Variants in ZNFX1 observed in about 807,000 individuals in gnomAD.
ZNFX1 encodes NFX1-type zinc finger-containing protein 1.
ZNFX1 carries 78 observed loss-of-function variants against 179.8 expected under a neutral mutation model. The observed-to-expected ratio is 0.43, with a 90% CI of 0.36 to 0.52. The LOEUF (loss-of-function observed/expected upper bound fraction) is 0.52, where lower values mean the gene tolerates loss of function less well. Ranked by LOEUF, ZNFX1 falls within the 20% of genes least tolerant of loss-of-function variation. The pLI is 0.00. For missense variants in ZNFX1, 1,927 were observed against 2,386.6 expected, an observed-to-expected ratio of 0.81 and a Z score of 4.01; for synonymous variants, 848 against 868.5, an observed-to-expected ratio of 0.98 and a Z score of 0.42.
chr20:49,262,772 T>C (rs1981145390), intron 6 of ZNFX1, among the ~76,000 whole-genome samples: 1 of 152,214 alleles, frequency 6.6e-6, no homozygotes, highest in South Asian at 2.1e-4. Context: ...GCATTATTAT[T>C]ATCCATGTTT....
At position 49,248,019 on chromosome 20, in the gene ZNFX1, C is replaced by T. The variant is rs1409404388; in HGVS notation, c.5005G>A (p.Glu1669Lys). 2 of 1,614,042 alleles carry T rather than the reference C, an allele frequency of 1.2e-6. No homozygotes were observed. The highest frequency in any genetic ancestry group is 2.2e-5 in the East Asian group (1 of 44,896). ...AGCTGGTGGAGGAGGCTCTTCCTCT[C>T]CAGCAGGGCCTTAAGCCGTTCCTGG... ...TSQERLKALL[E>K]RKSLLHQLLP... is the part of the protein sequence containing the mutation. Residue 1669 changes from glutamate to lysine, a missense_variant, in exon 14 of 14, where the codon GAG (glutamate) becomes AAG (lysine). Coordinates refer to ENST00000396105, the MANE Select transcript of ZNFX1 (RefSeq NM_021035.3). This position sits in a 1 kb window ranked among gnomAD's most constrained non-coding sequence, Gnocchi z 4.6.
chr20:49,266,049 T>A, intron 4 of ZNFX1, 86 bp downstream of exon 4: 1 of 1,488,424 alleles, frequency 6.7e-7, no homozygotes. Flanking sequence ...TTGACTTTGT[T>A]TGAAGAGCAA....
intron 6 of ZNFX1, 88 bp from the exon 7 acceptor site, chr20:49,260,665 G>A (rs1186002386): frequency 1.1e-6 from 1 of 949,564 alleles, no homozygotes; most frequent in African/African-American, 1.6e-5. Context: ...AGCAGATTGG[G>A]GCATGGTAGC....
At position 49,270,366 on chromosome 20, in the gene ZNFX1, G is replaced by T. The variant is rs776842721; in HGVS notation, c.1446C>A (p.Val482=). ...REQEDLCRGI[V]QLCFNEQSQQ... Reference sequence around the variant, plus strand: ...GGCTTTGCTCATTGAAGCAGAGCTGGACAATTCCTCGGCAGAGATCTTCCT... The same window carrying T: ...GGCTTTGCTCATTGAAGCAGAGCTGTACAATTCCTCGGCAGAGATCTTCCT... The change falls in exon 3 of 14, where the codon GTC becomes GTA. Residue 482 remains valine (V), a synonymous_variant. Coordinates refer to ENST00000396105, the MANE Select transcript of ZNFX1 (RefSeq NM_021035.3). The surrounding 1 kb of genome is among the most constrained non-coding windows in gnomAD (Gnocchi z 4.6). 1 of 1,614,212 alleles carries T rather than the reference G, an allele frequency of 6.2e-7. No homozygotes were observed. The highest frequency in any genetic ancestry group is 1.6e-4 in the Middle Eastern group (1 of 6,062).
intron 2 of ZNFX1, among the ~76,000 whole-genome samples, chr20:49,274,482 G>A (rs1981501949): frequency 6.6e-6 from 1 of 152,148 alleles, no homozygotes; most frequent in Non-Finnish European, 1.5e-5. Flanking sequence ...TCAAGGCCAG[G>A]CACAGTGGCT....
chr20:49,267,838 A>G (rs535196116), intron 3 of ZNFX1, among the ~76,000 whole-genome samples: 1 of 150,480 alleles, frequency 6.6e-6, no homozygotes, highest in Non-Finnish European at 1.5e-5. Context: ...AGGTTATTTA[A>G]CCCTTCTTTG....
At chr20:49,277,870 G>C (rs942416096) in intron 1 of ZNFX1, 151 bp downstream of exon 1, 6 of 153,346 alleles carry the variant, frequency 3.9e-5, no homozygotes, top group Admixed American at 6.5e-5. Context: ...GCGCTGAGGG[G>C]CCAGGGGCTC....
In ZNFX1 at chr20:49,253,741, T is replaced by C. The variant is rs372879760; in HGVS notation, c.3030A>G (p.Glu1010=). The C allele has an allele frequency of 8.7e-5, 141 of 1,614,108 alleles. No individual in the cohort carries two copies. The highest frequency in any genetic ancestry group is 1.2e-4 in the Non-Finnish European group (138 of 1,180,054). The change falls in exon 11 of 14, where the codon GAA becomes GAG. Residue 1010 remains glutamate, a synonymous_variant. Coordinates refer to ENST00000396105, the MANE Select transcript of ZNFX1 (RefSeq NM_021035.3). ...TGGCAATGGTATGGGCCTCAAGGACTTCCGCAGCTTCTTCCACTATGACAA... is the reference window on the plus strand; with the variant it reads ...TGGCAATGGTATGGGCCTCAAGGACCTCCGCAGCTTCTTCCACTATGACAA... The part of the protein sequence containing the change: ...PRIVIVEEAA[E]VLEAHTIATL...
intron 3 of ZNFX1, among the ~76,000 whole-genome samples, chr20:49,267,084 A>G (rs537808963): frequency 6.6e-6 from 1 of 152,148 alleles, no homozygotes; most frequent in South Asian, 2.1e-4. Context: ...TTTAGTATAG[A>G]TGGGGTTTCA....
chr20:49,257,661 T>C lies in ZNFX1; in HGVS notation c.2420A>G (p.Gln807Arg), dbSNP rs202013649. The stretch of plus-strand genomic sequence containing the variant: ...TTCTTCCTCCTCATCCCCTTCTGCC[T>C]GGGCTAAGAGAGAGAAACAGGCAGG... ...VSPAGPENTA[Q>R]AEGDEEEEGE... Residue 807 changes from glutamine to arginine, a missense_variant, in exon 8 of 14, where the codon CAG becomes CGG. Transcript: ENST00000396105. The C allele has an allele frequency of 5.0e-6, 8 of 1,612,922 alleles. No homozygotes were observed. Among genetic ancestry groups the C allele is most frequent in the Admixed American group, 3.3e-5 (2 of 59,886 alleles).
intron 4 of ZNFX1, among the ~76,000 whole-genome samples, chr20:49,265,895 A>G (rs1981222556): frequency 6.6e-6 from 1 of 152,212 alleles, no homozygotes; most frequent in African/African-American, 2.4e-5. Flanking sequence ...GGCATGGGCC[A>G]ATGGAGGACG....
Position 49,251,582 on chromosome 20 carries a change from T to TG in ZNFX1, c.3256dup (p.His1086ProfsTer14). The TG allele has an allele frequency of 1.9e-6, 3 of 1,612,580 alleles. No homozygotes were observed. Among genetic ancestry groups the TG allele is most frequent in the Non-Finnish European group, 2.5e-6 (3 of 1,179,292 alleles). On this transcript the variant is annotated frameshift_variant, in exon 13 of 14. Transcript: ENST00000396105. LOFTEE classifies it high-confidence loss of function. The stretch of plus-strand genomic sequence containing the variant: ...ATGATTCTCCAGATCCTGGTAAATG[T>TG]GGGGGGTCAAAAGGCGGGCAATTTC...
In ZNFX1 at chr20:49,248,317, C is replaced by T. The variant is rs773966930; in HGVS notation, c.4707G>A (p.Glu1569=). 1 of 1,614,142 alleles carries T rather than the reference C, an allele frequency of 6.2e-7. No homozygotes were observed. Among genetic ancestry groups the T allele is most frequent in the African/African-American group, 1.3e-5 (1 of 75,034 alleles). ...PKKCRICHMD[E]VTQIFFGFED... ...CAAAGCCAAAGAATATTTGGGTGAC[C>T]TCATCCATGTGGCAGATCCGGCATT... Residue 1569 remains glutamate, a synonymous_variant, in exon 14 of 14, where the codon GAG becomes GAA. Transcript: ENST00000396105. The surrounding 1 kb of genome is among the most constrained non-coding windows in gnomAD (Gnocchi z 4.6).
rs1177615845 is a variant in ZNFX1, at chr20:49,271,441, A to C, written c.371T>G (p.Phe124Cys). Reference protein sequence around the residue: ...NRRPPWSNDNFQQWRTPHQKP... With the variant: ...NRRPPWSNDNCQQWRTPHQKP... The stretch of plus-strand genomic sequence containing the variant: ...CTGGTGGGGAGTCCGCCACTGCTGG[A>C]AGTTGTCATTGGACCATGGTGGTCT... Residue 124 changes from phenylalanine to cysteine, a missense_variant, in exon 3 of 14, where the codon TTC becomes TGC. Coordinates refer to ENST00000396105, the MANE Select transcript of ZNFX1 (RefSeq NM_021035.3). 2 of 1,614,092 alleles carry C rather than the reference A, an allele frequency of 1.2e-6. No homozygotes were observed. The highest frequency in any genetic ancestry group is 2.2e-5 in the South Asian group (2 of 91,074).
In ZNFX1 at chr20:49,254,047, G is replaced by A. The variant is rs1484586441; in HGVS notation, c.2960-236C>T. On this transcript the variant is annotated intron_variant, in intron 10 of 13. Coordinates refer to ENST00000396105, the MANE Select transcript of ZNFX1 (RefSeq NM_021035.3). ...CTTTTTTCTTTTTTTTTTTTTCTTTGAGACAGTCTCACTCTGTCACCCAGG... is the reference window on the plus strand; with the variant it reads ...CTTTTTTCTTTTTTTTTTTTTCTTTAAGACAGTCTCACTCTGTCACCCAGG... Among the ~76,000 whole-genome samples the A allele has an allele frequency of 2.0e-5, 3 of 146,346 alleles. No homozygotes were observed. In the East Asian group the frequency reaches 6.0e-4, roughly 29 times the overall value.
intron 1 of ZNFX1, among the ~76,000 whole-genome samples, chr20:49,276,441 C>T (rs759478506): frequency 7.2e-5 from 11 of 152,220 alleles, no homozygotes; most frequent in Non-Finnish European, 1.5e-4. Context: ...AATGATTAAG[C>T]TCTCTGCTCT....
In ZNFX1 at chr20:49,257,606, G is replaced by T. The variant is rs764181784; in HGVS notation, c.2475C>A (p.Ile825=). Residue 825 remains isoleucine (I), a synonymous_variant, in exon 8 of 14, where the codon ATC becomes ATA. Coordinates refer to ENST00000396105, the MANE Select transcript of ZNFX1 (RefSeq NM_021035.3). Reference sequence around the variant, plus strand: ...CTTGAATCAGGTCAGCTTCCTCTGCGATCTCTATCAGCGAACTCTCCTCCT... The same window carrying T: ...CTTGAATCAGGTCAGCTTCCTCTGCTATCTCTATCAGCGAACTCTCCTCCT... The part of the protein sequence containing the change: ...EGEEESSLIE[I]AEEADLIQAD... 6.2e-7 allele frequency: 1 copy of T among 1,613,632 alleles called. No homozygotes were observed. The highest frequency in any genetic ancestry group is 8.5e-7 in the Non-Finnish European group (1 of 1,179,966).
intron 2 of ZNFX1, among the ~76,000 whole-genome samples, chr20:49,275,276 G>A (rs1361646554): frequency 6.6e-6 from 1 of 152,066 alleles, no homozygotes; most frequent in Non-Finnish European, 1.5e-5. Context: ...GCTCTCTTAG[G>A]AAAAGTGGAG....
At chr20:49,251,344 G>T (rs2146729268) in intron 13 of ZNFX1, among the ~76,000 whole-genome samples, 183 bp downstream of exon 13, 1 of 151,844 alleles carries the variant, frequency 6.6e-6, no homozygotes, top group African/African-American at 2.4e-5. Context: ...GTTTCACCAT[G>T]TTAGTTAGGC....
Sources: gnomAD v4.1 joint callset for allele counts (sites outside exome capture counted in the v4.1 genomes callset) on GRCh38, gnomAD v4.1.1 for gene constraint, Gnocchi (gnomAD v3.1) non-coding constraint, MANE v1.5 for transcripts, NCBI Gene and HGNC (gene_info 2026-07-23, HGNC 2026-07-21) for gene names.